Variants in CCDC60 observed in about 807,000 individuals in gnomAD.
CCDC60 encodes the protein coiled-coil domain-containing protein 60.
CCDC60 carries 54 observed loss-of-function variants against 63.5 expected under a neutral mutation model. The ratio of observed to expected loss-of-function variants is 0.85; its 90% confidence interval spans 0.68 to 1.07. CCDC60 has a LOEUF of 1.07. Among genes scored for constraint, CCDC60 ranks in the 50% least tolerant of loss-of-function variants. CCDC60 has a pLI of 0.00. For missense variants in CCDC60, 651 were observed against 684.3 expected (o/e 0.95, Z 0.54); for synonymous variants, 206 against 238.8 (o/e 0.86, Z 1.27).
Position 119,361,009 on chromosome 12 carries a change from G to A in CCDC60, c.90+25743G>A, listed in dbSNP as rs972453443. ...AAACCAGTCAGGCGTGGCGGCGTGC[G>A]CCTGCAATTGCAGGCACTCCGCAGG... On this transcript the variant is annotated intron_variant, in intron 1 of 13. Transcript: ENST00000327554. Among the ~76,000 whole-genome samples, 411 of 152,056 alleles carry A rather than the reference G, an allele frequency of 2.7e-3. 3 individuals carry two copies. Among genetic ancestry groups the A allele is most frequent in the Non-Finnish European group, 3.8e-3 (260 of 67,882 alleles).
Position 119,507,551 on chromosome 12 carries a change from CATATAT to C in CCDC60, c.883+2261_883+2266del, listed in dbSNP as rs781735897. Among the ~76,000 whole-genome samples the C allele has an allele frequency of 6.1e-4, 42 of 68,850 alleles. 1 individual carries two copies. The highest frequency in any genetic ancestry group is 4.0e-3 in the Admixed American group (22 of 5,460). 45.2% of individuals were successfully genotyped at this position (68,850 alleles called of 152,430 possible). ...ACACATATATATACACATATATATA[CATATAT>C]ATATATATATATGTATATATACACA... is the stretch of plus-strand genomic sequence containing the variant. On this transcript the variant is annotated intron_variant, in intron 7 of 13. Transcript: ENST00000327554.
chr12:119,443,619 A>T (rs1352554513), intron 2 of CCDC60, among the ~76,000 whole-genome samples: 1 of 152,238 alleles, frequency 6.6e-6, no homozygotes, highest in Non-Finnish European at 1.5e-5. Context: ...TTGTTTCCAA[A>T]TTATTGCTTA....
At chr12:119,528,841 TAG>T (rs1952762170) in intron 12 of CCDC60, 95 bp downstream of exon 12, 1 of 1,307,710 alleles carries the variant, frequency 7.6e-7, no homozygotes, top group African/African-American at 1.5e-5. Flanking sequence ...CTTCAAGGCA[TAG>T]AGAGGCATTA....
intron 1 of CCDC60, among the ~76,000 whole-genome samples, chr12:119,387,489 A>G (rs184278241): frequency 2.2e-4 from 33 of 152,350 alleles, no homozygotes; most frequent in Admixed American, 7.8e-4. Flanking sequence ...TACATAAAAA[A>G]GCACAAGTTT....
At chr12:119,446,599 A>G (rs1950545358) in intron 2 of CCDC60, among the ~76,000 whole-genome samples, 1 of 152,132 alleles carries the variant, frequency 6.6e-6, no homozygotes, top group Admixed American at 6.5e-5. Flanking sequence ...GAAGAAAAAA[A>G]GGGAGAGGGA....
intron 5 of CCDC60, among the ~76,000 whole-genome samples, chr12:119,498,966 C>G (rs139444037): frequency 3.0e-4 from 46 of 152,276 alleles, no homozygotes; most frequent in African/African-American, 1.1e-3. Context: ...CTGACAGGAA[C>G]CAATCGAAGT....
chr12:119,535,012 C>T (rs546262955), intron 13 of CCDC60, among the ~76,000 whole-genome samples: 2 of 152,232 alleles, frequency 1.3e-5, no homozygotes, highest in Admixed American at 6.5e-5. Flanking sequence ...CTCTTTGTAC[C>T]TCTGGTAGAA....
At chr12:119,376,379 G>T (rs915200115) in intron 1 of CCDC60, among the ~76,000 whole-genome samples, 17 of 152,196 alleles carry the variant, frequency 1.1e-4, no homozygotes, top group African/African-American at 4.1e-4. Flanking sequence ...TGTAATCGCA[G>T]CACTTTGGGA....
At chr12:119,372,649 C>T (rs1451966653) in intron 1 of CCDC60, among the ~76,000 whole-genome samples, 1 of 152,164 alleles carries the variant, frequency 6.6e-6, no homozygotes, top group African/African-American at 2.4e-5. Flanking sequence ...CGAATCCCCA[C>T]TCAGAGAGAT....
chr12:119,523,126 G>A (rs929554223), intron 10 of CCDC60, 125 bp downstream of exon 10: 2 of 873,678 alleles, frequency 2.3e-6, no homozygotes, highest in Non-Finnish European at 3.8e-6. Context: ...AGATGATGCT[G>A]AAGGACAAGG....
At chr12:119,341,177 T>C (rs1565962332) in intron 1 of CCDC60, among the ~76,000 whole-genome samples, 1 of 152,250 alleles carries the variant, frequency 6.6e-6, no homozygotes, top group Non-Finnish European at 1.5e-5. Flanking sequence ...TTGCTGTGTC[T>C]AATTGCATGG....
intron 1 of CCDC60, among the ~76,000 whole-genome samples, chr12:119,412,763 A>ACCC (rs150785942): frequency 4.2e-3 from 365 of 87,888 alleles, no homozygotes; most frequent in Non-Finnish European, 4.8e-3. Flanking sequence ...AAAGCCCCCC[A>ACCC]CCCCCCCCCA....
chr12:119,540,029 C>A (rs1006063690), intron 13 of CCDC60, among the ~76,000 whole-genome samples: 1 of 152,166 alleles, frequency 6.6e-6, no homozygotes, highest in South Asian at 2.1e-4. Context: ...TAACCAGTCC[C>A]AATGAGATGA....
intron 2 of CCDC60, among the ~76,000 whole-genome samples, chr12:119,443,717 A>G (rs1950487675): frequency 1.3e-5 from 2 of 152,188 alleles, no homozygotes; most frequent in South Asian, 4.1e-4. Flanking sequence ...CAGCTTCCCA[A>G]TCACCTACCT....
chr12:119,402,953 T>C (rs185178017), intron 1 of CCDC60, among the ~76,000 whole-genome samples: 17 of 152,190 alleles, frequency 1.1e-4, no homozygotes, highest in Non-Finnish European at 2.1e-4. Flanking sequence ...GAAAACTAAT[T>C]ATCTAAGATT....
intron 2 of CCDC60, among the ~76,000 whole-genome samples, chr12:119,455,981 GAGAGAAAGAGAGAGAGAA>G (rs1424901464): frequency 7.8e-6 from 1 of 128,608 alleles, no homozygotes; most frequent in Admixed American, 8.2e-5. Flanking sequence ...GAGGGAGGGA[GAGAGAAAGAGAGAGAGAA>G]AGAGAAAGAA....
At position 119,335,181 on chromosome 12, in the gene CCDC60, C is replaced by A. The variant is rs371033981; in HGVS notation, c.5C>A (p.Thr2Asn). ...AAAACCTGAAGGATTTTTAAGATGACCAAGGTTCCAGCCACCAAGAAGCTT... is the reference window on the plus strand; with the variant it reads ...AAAACCTGAAGGATTTTTAAGATGAACAAGGTTCCAGCCACCAAGAAGCTT... M[T>N]KVPATKKLQS... Residue 2 changes from threonine to asparagine, a missense_variant, in exon 1 of 14, where the codon ACC (threonine) becomes AAC (asparagine). Transcript: ENST00000327554. 138 of 1,604,676 alleles carry A rather than the reference C, an allele frequency of 8.6e-5. No homozygotes were observed. Among genetic ancestry groups the A allele is most frequent in the Non-Finnish European group, 1.1e-4 (132 of 1,176,382 alleles).
chr12:119,361,507 G>C (rs1955790503), intron 1 of CCDC60, among the ~76,000 whole-genome samples: 1 of 151,940 alleles, frequency 6.6e-6, no homozygotes, highest in African/African-American at 2.4e-5. Flanking sequence ...TCTGGCTTAG[G>C]AACAGCAGGG....
At chr12:119,482,135 CAT>C (rs201607729) in intron 4 of CCDC60, among the ~76,000 whole-genome samples, 5 of 141,478 alleles carry the variant, frequency 3.5e-5, no homozygotes, top group African/African-American at 1.3e-4. Context: ...TATATATACA[CAT>C]ATATATACAC....
Sources: allele counts gnomAD v4.1 joint callset (sites outside exome capture counted in the v4.1 genomes callset), GRCh38; gene constraint gnomAD v4.1.1; transcripts MANE v1.5; gene names NCBI Gene and HGNC (gene_info 2026-07-23, HGNC 2026-07-21).